Variants in TM6SF2 observed in about 807,000 individuals in gnomAD.
TM6SF2 encodes the protein transmembrane 6 superfamily member 2.
TM6SF2 carries 29 observed loss-of-function variants against 41.0 expected under a neutral mutation model. That is an observed-to-expected ratio of 0.71 (90% CI 0.53 to 0.96). TM6SF2 has a LOEUF of 0.96. Among genes scored for constraint, TM6SF2 ranks in the 50% least tolerant of loss-of-function variants. The pLI is 0.00. For missense variants in TM6SF2, 475 were observed against 499.0 expected, an observed-to-expected ratio of 0.95 and a Z score of 0.46; for synonymous variants, 200 against 209.1, an observed-to-expected ratio of 0.96 and a Z score of 0.37.
At position 19,273,150 on chromosome 19, in the gene TM6SF2, G is replaced by A. The variant is rs1161414952; in HGVS notation, c.66C>T (p.Tyr22=). The change falls in exon 1 of 10, where the codon TAC becomes TAT. Residue 22 remains tyrosine (Y), a synonymous_variant. Transcript: ENST00000389363. ...ALSLSALPVS[Y]ALNHVSALSH... is the part of the protein sequence containing the mutation. ...AGAGCGCCGAGACGTGGTTGAGCGC[G>A]TAGGACACCGGGAGGGCGCTCAGCG... 6.7e-7 allele frequency: 1 copy of A among 1,493,118 alleles called. No homozygotes were observed. Among genetic ancestry groups the A allele is most frequent in the Non-Finnish European group, 8.9e-7 (1 of 1,127,824 alleles). The allele number at this position is 1,493,118 out of a possible 1,614,324, so 92.5% of individuals were successfully genotyped here.
At chr19:19,265,360 T>TTCTATCTATCTA (rs548804768) in intron 9 of TM6SF2, among the ~76,000 whole-genome samples, 2,239 of 140,464 alleles carry the variant, frequency 0.016, 36 homozygotes, top group East Asian at 0.034. Context: ...TTTTTAAAAT[T>TTCTATCTATCTA]TCTATCTATC....
intron 9 of TM6SF2, among the ~76,000 whole-genome samples, chr19:19,265,338 A>C (rs1344104919): frequency 3.6e-4 from 55 of 151,328 alleles, no homozygotes; most frequent in Non-Finnish European, 1.5e-5. Context: ...ATAAGCCACC[A>C]TGCCTGGCCT....
chr19:19,273,061 T>TGGGCCCCCCCCCC, intron 1 of TM6SF2, 60 bp downstream of exon 1: 1 of 305,468 alleles, frequency 3.3e-6, no homozygotes, highest in Non-Finnish European at 6.1e-6. Flanking sequence ...CCTCCAGTCC[T>TGGGCCCCCCCCCC]CCCCGCCCCC....
chr19:19,266,495 C>G lies in TM6SF2; in HGVS notation c.919G>C (p.Gly307Arg), dbSNP rs199661804. The G allele has an allele frequency of 1.9e-6, 3 of 1,613,766 alleles. No individual in the cohort carries two copies. The highest frequency in any genetic ancestry group is 2.2e-5 in the South Asian group (2 of 91,048). ...CCACCCATCCGCCACCTCACCTGGC[C>G]GATGCCTCCAGCAAACACCAAGGCC... is the stretch of plus-strand genomic sequence containing the variant. ...DWALVFAGGI[G>R]QAQFSHMGAS... The change falls in exon 9 of 10, where the codon GGC becomes CGC. Residue 307 changes from glycine (G) to arginine (R), a missense_variant. Physicochemically the swap from Gly to Arg is moderately radical, Grantham distance 125 (BLOSUM62 -2). Around this residue, in one of 3 missense-constraint regions of TM6SF2, gnomAD observed 190 missense variants for 190.2 expected, o/e 1.00. Transcript: ENST00000389363.
intron 1 of TM6SF2, among the ~76,000 whole-genome samples, chr19:19,271,687 C>T (rs1316181063): frequency 6.6e-6 from 1 of 152,032 alleles, no homozygotes; most frequent in Non-Finnish European, 1.5e-5. Flanking sequence ...CCCACCACCA[C>T]ACCCGGCTAA....
chr19:19,265,039 T>G (rs868234954), intron 9 of TM6SF2, among the ~76,000 whole-genome samples, 166 bp from the exon 10 acceptor site: 149 of 118,116 alleles, frequency 1.3e-3, no homozygotes, highest in African/African-American at 5.4e-3. Flanking sequence ...CATCTATCTG[T>G]TTTTTTTTTT....
chr19:19,267,219 T>G (rs1253877948), intron 8 of TM6SF2, among the ~76,000 whole-genome samples: 1 of 151,530 alleles, frequency 6.6e-6, no homozygotes, highest in Non-Finnish European at 1.5e-5. Context: ...AAATACAAAA[T>G]TAGCTGAGTA....
At chr19:19,265,006 C>T in intron 9 of TM6SF2, 133 bp from the exon 10 acceptor site, 1 of 437,714 alleles carries the variant, frequency 2.3e-6, no homozygotes, top group Non-Finnish European at 4.0e-6. Flanking sequence ...CTTTGCTCAT[C>T]TATCTGTTTC....
chr19:19,266,129 T>C (rs1210875333), intron 9 of TM6SF2, among the ~76,000 whole-genome samples: 1 of 152,168 alleles, frequency 6.6e-6, no homozygotes, highest in Non-Finnish European at 1.5e-5. Flanking sequence ...ACCTGGGTTA[T>C]GGCCCTGCTA....
chr19:19,268,719 G>C lies in TM6SF2; in HGVS notation c.520C>G (p.Leu174Val). ...YSSEIRPAFF[L>V]TIPYLLVPCW... ...GGCACCAGCAGGTAGGGGATGGTGAGGAAGAAGGCAGGCCTGATCTCGGAG... is the reference window on the plus strand; with the variant it reads ...GGCACCAGCAGGTAGGGGATGGTGACGAAGAAGGCAGGCCTGATCTCGGAG... Residue 174 changes from leucine (L) to valine (V), a missense_variant, in exon 6 of 10, where the codon CTC becomes GTC. Physicochemically the swap from Leu to Val is conservative, Grantham distance 32 (BLOSUM62 1). Around this residue, in one of 3 missense-constraint regions of TM6SF2, gnomAD observed 47 missense variants for 80.3 expected, o/e 0.59. Coordinates refer to ENST00000389363, the MANE Select transcript of TM6SF2 (RefSeq NM_001001524.3). 6.2e-7 allele frequency: 1 copy of C among 1,603,690 alleles called. No homozygotes were observed. The highest frequency in any genetic ancestry group is 1.3e-5 in the African/African-American group (1 of 74,118).
chr19:19,267,943 G>T, intron 7 of TM6SF2, 43 bp downstream of exon 7: 1 of 1,500,298 alleles, frequency 6.7e-7, no homozygotes, highest in Non-Finnish European at 9.3e-7. Flanking sequence ...AGGGAAGGGA[G>T]ACTGGTGGCA....
intron 9 of TM6SF2, among the ~76,000 whole-genome samples, chr19:19,265,319 A>G (rs2146575100): frequency 6.6e-6 from 1 of 152,070 alleles, no homozygotes; most frequent in African/African-American, 2.4e-5. Context: ...AAGTGCTAGG[A>G]TTACAGGCAT....
chr19:19,267,575 C>G, intron 8 of TM6SF2, 46 bp downstream of exon 8: 1 of 1,488,008 alleles, frequency 6.7e-7, no homozygotes, highest in Non-Finnish European at 9.3e-7. Context: ...CCCAGTGGAC[C>G]CCTACCCATG....
chr19:19,268,451 T>C (rs751294456), intron 6 of TM6SF2, among the ~76,000 whole-genome samples, 179 bp downstream of exon 6: 11 of 152,148 alleles, frequency 7.2e-5, no homozygotes, highest in South Asian at 4.2e-4. Context: ...CAAGCGATCC[T>C]CATGCCTTGG....
At chr19:19,268,536 C>A (rs963428122) in intron 6 of TM6SF2, 94 bp downstream of exon 6, 51 of 1,465,222 alleles carry the variant, frequency 3.5e-5, no homozygotes, top group African/African-American at 2.5e-4. Flanking sequence ...CAAAGGAGAA[C>A]CTTCCACAGA....
intron 6 of TM6SF2, among the ~76,000 whole-genome samples, chr19:19,268,330 C>T (rs1053830662): frequency 2.6e-5 from 4 of 151,834 alleles, no homozygotes; most frequent in African/African-American, 7.2e-5. Context: ...CTCAGCCTCC[C>T]GAATAGCTGG....
chr19:19,273,061 T>TGCCCCCCCCCCCCCCCCCCCCC, intron 1 of TM6SF2, 60 bp downstream of exon 1: 12 of 305,466 alleles, frequency 3.9e-5, no homozygotes, highest in East Asian at 8.6e-5. Context: ...CCTCCAGTCC[T>TGCCCCCCCCCCCCCCCCCCCCC]CCCCGCCCCC....
Position 19,270,277 on chromosome 19 carries a change from C to CT in TM6SF2, c.298-2dup, listed in dbSNP as rs1386722950. On this transcript the variant is annotated splice_acceptor_variant, in intron 3 of 9. Coordinates refer to ENST00000389363, the MANE Select transcript of TM6SF2 (RefSeq NM_001001524.3). LOFTEE classifies it high-confidence loss of function. Reference sequence around the variant, plus strand: ...GCGCTGTGCGCAGGTATGGCTCTCCCTGTGGGGGCAGGTGGGAGACTCAGA... The same window carrying CT: ...GCGCTGTGCGCAGGTATGGCTCTCCCTTGTGGGGGCAGGTGGGAGACTCAGA... 6.2e-7 allele frequency: 1 copy of CT among 1,614,092 alleles called. No homozygotes were observed. The highest frequency in any genetic ancestry group is 8.5e-7 in the Non-Finnish European group (1 of 1,180,038).
Position 19,264,748 on chromosome 19 carries a change from C to A in TM6SF2, c.1050G>T (p.Leu350=). Residue 350 remains leucine, a synonymous_variant, in exon 10 of 10, where the codon CTG becomes CTT. Coordinates refer to ENST00000389363, the MANE Select transcript of TM6SF2 (RefSeq NM_001001524.3). Reference sequence around the variant, plus strand: ...CGGGCCACTGAAGGCAACGGTAGGCCAGCAGGTGGGGGCCCAGCGCATACA... The same window carrying A: ...CGGGCCACTGAAGGCAACGGTAGGCAAGCAGGTGGGGGCCCAGCGCATACA... ...NLLYALGPHL[L]AYRCLQWPAF... 2 of 1,607,054 alleles carry A rather than the reference C, an allele frequency of 1.2e-6. No individual in the cohort carries two copies. The highest frequency in any genetic ancestry group is 8.5e-7 in the Non-Finnish European group (1 of 1,176,832).
Sources: allele counts gnomAD v4.1 joint callset (sites outside exome capture counted in the v4.1 genomes callset), GRCh38; gene constraint gnomAD v4.1.1; regional missense constraint gnomAD v4.1.1; transcripts MANE v1.5; gene names NCBI Gene and HGNC (gene_info 2026-07-23, HGNC 2026-07-21).